The following SLC9A9 variants were observed in gnomAD, a reference collection of about 807,000 sequenced individuals.
The protein encoded by SLC9A9 is solute carrier family 9 member A9, also known as sodium/hydrogen exchanger 9.
Under a neutral mutation model 77.8 loss-of-function variants are expected in SLC9A9, and 62 were observed. The ratio of observed to expected loss-of-function variants is 0.80; its 90% CI spans 0.65 to 0.98. The LOEUF (loss-of-function observed/expected upper bound fraction) is 0.98. Ranked by LOEUF, SLC9A9 falls within the 50% of genes least tolerant of loss-of-function variation. The pLI is 0.00. For missense variants in SLC9A9, 775 were observed against 774.9 expected, an observed-to-expected ratio of 1.00 and a Z score of 0.00; for synonymous variants, 320 against 283.5, an observed-to-expected ratio of 1.13 and a Z score of -1.29.
chr3:143,365,171 C>A (rs1429689717), intron 13 of SLC9A9, among the ~76,000 whole-genome samples: 1 of 152,062 alleles, frequency 6.6e-6, no homozygotes, highest in Non-Finnish European at 1.5e-5. Context: ...TAAACTAATG[C>A]AGGAAGAGAA....
chr3:143,829,190 C>T (rs925283224), intron 2 of SLC9A9, among the ~76,000 whole-genome samples: 13 of 152,092 alleles, frequency 8.5e-5, no homozygotes, highest in Non-Finnish European at 1.5e-4. Flanking sequence ...TATGCAGATC[C>T]AGGGCATTTG....
intron 4 of SLC9A9, among the ~76,000 whole-genome samples, chr3:143,699,588 C>A (rs1239695911): frequency 1.3e-5 from 2 of 152,168 alleles, no homozygotes; most frequent in Non-Finnish European, 2.9e-5. Flanking sequence ...GAAAGCCAAA[C>A]TGAGCTGAAC....
intron 2 of SLC9A9, among the ~76,000 whole-genome samples, chr3:143,802,017 A>G (rs1374508328): frequency 6.6e-6 from 1 of 152,192 alleles, no homozygotes; most frequent in African/African-American, 2.4e-5. Context: ...ATCAGATCCC[A>G]TTGCCCTCGG....
intron 2 of SLC9A9, among the ~76,000 whole-genome samples, chr3:143,808,622 A>G (rs1288143496): frequency 1.3e-5 from 2 of 152,320 alleles, no homozygotes; most frequent in East Asian, 3.9e-4. Flanking sequence ...TTCATGATCT[A>G]GGTTCCTTCT....
intron 13 of SLC9A9, among the ~76,000 whole-genome samples, chr3:143,371,508 G>C (rs966567773): frequency 6.6e-6 from 1 of 152,158 alleles, no homozygotes; most frequent in Non-Finnish European, 1.5e-5. Context: ...CTAGACATGG[G>C]AGGAAGCAGG....
intron 9 of SLC9A9, among the ~76,000 whole-genome samples, chr3:143,523,690 C>T (rs58992171): frequency 4.6e-5 from 7 of 151,950 alleles, no homozygotes; most frequent in African/African-American, 1.2e-4. Flanking sequence ...ATGAAAGGAT[C>T]GATGAAGGGT....
chr3:143,459,924 A>G (rs2035160340), intron 12 of SLC9A9, among the ~76,000 whole-genome samples: 1 of 152,138 alleles, frequency 6.6e-6, no homozygotes, highest in Admixed American at 6.5e-5. Flanking sequence ...CCTCTGGTTG[A>G]TATTTTAGCT....
At chr3:143,676,233 GCCAC>G (rs1168772481) in intron 5 of SLC9A9, among the ~76,000 whole-genome samples, 2 of 152,122 alleles carry the variant, frequency 1.3e-5, no homozygotes, top group Admixed American at 1.3e-4. Context: ...TTCCTAACAA[GCCAC>G]AGACCTGTAC....
chr3:143,693,077 G>A (rs1179912989), intron 5 of SLC9A9, 115 bp downstream of exon 5: 3 of 774,380 alleles, frequency 3.9e-6, no homozygotes, highest in Non-Finnish European at 6.4e-6. Flanking sequence ...GTCAACTGCA[G>A]GTGAAGAAAA....
In SLC9A9 at chr3:143,848,427, T is replaced by C; in HGVS notation, c.-105A>G. On this transcript the variant is annotated 5_prime_UTR_variant, in exon 1 of 16. Coordinates refer to ENST00000316549, the MANE Select transcript of SLC9A9 (RefSeq NM_173653.4). ...TGCCTGAGAATTTCAGAAGAAACAC[T>C]GCCACTTTAGTTGCTACTTCACAAG... The C allele has an allele frequency of 2.0e-6, 3 of 1,466,628 alleles. No individual in the cohort carries two copies. The highest frequency in any genetic ancestry group is 2.9e-6 in the Non-Finnish European group (3 of 1,051,536). 90.9% of individuals were successfully genotyped at this position (1,466,628 alleles called of 1,614,324 possible).
chr3:143,467,091 G>A lies in SLC9A9; in HGVS notation c.1415C>T (p.Thr472Ile). The A allele has an allele frequency of 6.2e-7, 1 of 1,614,132 alleles. No individual in the cohort carries two copies. Among genetic ancestry groups the A allele is most frequent in the Non-Finnish European group, 8.5e-7 (1 of 1,180,012 alleles). Residue 472 changes from threonine (T) to isoleucine (I), a missense_variant, in exon 12 of 16, where the codon ACT becomes ATT. By Grantham distance (89) the Thr-to-Ile change is moderately conservative (BLOSUM62 -1). Transcript: ENST00000316549. ...TGTTCCTCCTCCAAATACCCAGACA[G>A]TGAAGAACACGAGGAGCAGCGTAGT... is the stretch of plus-strand genomic sequence containing the variant. ...FTTTLLLVFF[T>I]VWVFGGGTTP...
chr3:143,282,870 G>C (rs182651223), intron 14 of SLC9A9, among the ~76,000 whole-genome samples: 55 of 152,242 alleles, frequency 3.6e-4, no homozygotes, highest in African/African-American at 1.3e-3. Flanking sequence ...TACATAGTCA[G>C]ACATAATCCT....
At chr3:143,608,401 C>T (rs552124200) in intron 6 of SLC9A9, among the ~76,000 whole-genome samples, 2 of 152,270 alleles carry the variant, frequency 1.3e-5, no homozygotes, top group South Asian at 4.2e-4. Context: ...TTGGTCTTCC[C>T]TCTTTGTCCT....
intron 2 of SLC9A9, among the ~76,000 whole-genome samples, chr3:143,822,805 T>C (rs1292948896): frequency 1.3e-5 from 2 of 152,244 alleles, no homozygotes; most frequent in Admixed American, 1.3e-4. Flanking sequence ...GGGAAATCTC[T>C]TTTTTCCCTT....
intron 12 of SLC9A9, among the ~76,000 whole-genome samples, chr3:143,414,736 T>C (rs1389756919): frequency 6.6e-6 from 1 of 152,184 alleles, no homozygotes; most frequent in Admixed American, 6.5e-5. Flanking sequence ...ACAGCAGTAT[T>C]GAAATTAAGC....
At chr3:143,406,323 G>A (rs945988650) in intron 12 of SLC9A9, among the ~76,000 whole-genome samples, 9 of 151,722 alleles carry the variant, frequency 5.9e-5, no homozygotes, top group African/African-American at 2.2e-4. Context: ...TAGATCCAGT[G>A]GACTGTTTTT....
In SLC9A9 at chr3:143,266,934, T is replaced by G. The variant is rs780771971; in HGVS notation, c.1711-5A>C. The G allele has an allele frequency of 1.2e-6, 2 of 1,613,802 alleles. No homozygotes were observed. Among genetic ancestry groups the G allele is most frequent in the South Asian group, 2.2e-5 (2 of 91,060 alleles). On this transcript the variant is annotated splice_polypyrimidine_tract_variant and splice_region_variant and intron_variant, in intron 15 of 15. Transcript: ENST00000316549. Reference sequence around the variant, plus strand: ...ATCATCCTCTTTTAGCTGTTCCTGGTTGGGAAAAGAGAGAGAGGTGTCACT... The same window carrying G: ...ATCATCCTCTTTTAGCTGTTCCTGGGTGGGAAAAGAGAGAGAGGTGTCACT...
At chr3:143,673,566 T>G in intron 5 of SLC9A9, among the ~76,000 whole-genome samples, 1 of 122,634 alleles carries the variant, frequency 8.2e-6, no homozygotes, top group Non-Finnish European at 1.6e-5. Context: ...TAGGATGGAG[T>G]AGGGAAGGGT....
chr3:143,729,185 T>C (rs1201579340), intron 4 of SLC9A9, among the ~76,000 whole-genome samples: 1 of 152,150 alleles, frequency 6.6e-6, no homozygotes, highest in Non-Finnish European at 1.5e-5. Flanking sequence ...TAAGGAAGCC[T>C]TCTTTGCCCC....
Sources: gnomAD v4.1 joint callset for allele counts (sites outside exome capture counted in the v4.1 genomes callset) on GRCh38, gnomAD v4.1.1 for gene constraint, MANE v1.5 for transcripts, NCBI Gene and HGNC (gene_info 2026-07-23, HGNC 2026-07-21) for gene names.